The following TPMT variants were observed in gnomAD, a reference collection of about 807,000 sequenced individuals.
The protein encoded by TPMT is S-adenosyl-L-methionine:thiopurine S-methyltransferase.
A neutral mutation model predicts 34.2 loss-of-function variants in TPMT; 18 were observed. The ratio of observed to expected loss-of-function variants is 0.53; its 90% confidence interval spans 0.36 to 0.78. The LOEUF (loss-of-function observed/expected upper bound fraction) is 0.78, where lower values mean the gene tolerates loss of function less well. Ranked by LOEUF, TPMT falls within the 30% of genes least tolerant of loss-of-function variation. The pLI, the probability that TPMT is intolerant of heterozygous loss-of-function variation, is 0.00. For missense variants in TPMT, 265 were observed against 288.1 expected, an observed-to-expected ratio of 0.92 and a Z score of 0.58; for synonymous variants, 69 against 92.4, an observed-to-expected ratio of 0.75 and a Z score of 1.45.
chr6:18,136,784 T>C lies in TPMT; in HGVS notation c.494+2179A>G, dbSNP rs1784048449. 6.6e-6 allele frequency among the ~76,000 whole-genome samples: 1 copy of C among 152,166 alleles called. No homozygotes were observed. Among genetic ancestry groups the C allele is most frequent in the Admixed American group, 6.5e-5 (1 of 15,282 alleles). On this transcript the variant is annotated intron_variant, in intron 6 of 8. Coordinates refer to ENST00000309983, the MANE Select transcript of TPMT (RefSeq NM_000367.5). The surrounding 1 kb of genome is among the most constrained non-coding windows in gnomAD (Gnocchi z 4.7). ...GAGATAGTGCCATTGCACTCCAGCC[T>C]GGGCAACAAGAGCGAAACTCTGTCT...
chr6:18,155,168 C>T (rs1784479789), upstream of TPMT: 1 of 125,238 alleles, frequency 8.0e-6, no homozygotes, highest in Admixed American at 7.7e-5. The surrounding 1 kb of genome is among the most constrained non-coding windows in gnomAD (Gnocchi z 6.2). Flanking sequence ...CGCGCCCCGC[C>T]TCCGCCCGCG....
rs1784045673 is a variant in TPMT, at chr6:18,136,619, C to T, written c.494+2344G>A. On this transcript the variant is annotated intron_variant, in intron 6 of 8. Coordinates refer to ENST00000309983, the MANE Select transcript of TPMT (RefSeq NM_000367.5). This position sits in a 1 kb window ranked among gnomAD's most constrained non-coding sequence, Gnocchi z 4.7. ...GGTCCGGAGTTCGAGACCAGCCTGA[C>T]CAACATGGAGAAACCCCGTCTCTAC... Among the ~76,000 whole-genome samples the T allele has an allele frequency of 6.6e-6, 1 of 152,102 alleles. No homozygotes were observed. The highest frequency in any genetic ancestry group is 1.5e-5 in the Non-Finnish European group (1 of 68,026).
In TPMT at chr6:18,133,882, C is replaced by G; in HGVS notation, c.502G>C (p.Asp168His). The part of the protein sequence containing the change: ...INPGDRKCYA[D>H]TMFSLLGKKF... ...TTTCCCAGGAGGGAAAACATTGTATCTGCATAGCTACAAAGAACACAAGAA... is the reference window on the plus strand; with the variant it reads ...TTTCCCAGGAGGGAAAACATTGTATGTGCATAGCTACAAAGAACACAAGAA... Residue 168 changes from aspartate to histidine, a missense_variant, in exon 7 of 9, where the codon GAT (aspartate) becomes CAT (histidine). Asp to His is a moderately conservative substitution (Grantham distance 81). Transcript: ENST00000309983. 6.2e-7 allele frequency: 1 copy of G among 1,613,214 alleles called. No individual in the cohort carries two copies. Among genetic ancestry groups the G allele is most frequent in the Non-Finnish European group, 8.5e-7 (1 of 1,179,358 alleles).
chr6:18,142,140 G>GT (rs1223741290), intron 4 of TPMT, among the ~76,000 whole-genome samples: 1 of 151,936 alleles, frequency 6.6e-6, no homozygotes, highest in African/African-American at 2.4e-5. Context: ...CACCTGGCAG[G>GT]TTTTTTCCTC....
intron 4 of TPMT, among the ~76,000 whole-genome samples, chr6:18,142,668 T>G: frequency 6.6e-6 from 1 of 152,084 alleles, no homozygotes; most frequent in East Asian, 1.9e-4. Flanking sequence ...ACCTATCATT[T>G]TGAGCCCAAA....
chr6:18,147,150 C>T (rs1038596452), intron 3 of TPMT, among the ~76,000 whole-genome samples: 1 of 151,932 alleles, frequency 6.6e-6, no homozygotes, highest in Admixed American at 6.6e-5. Flanking sequence ...AAGTTCTCAA[C>T]ATTCAAGCTT....
At chr6:18,147,469 C>T (rs146552353) in intron 3 of TPMT, among the ~76,000 whole-genome samples, 1 of 152,162 alleles carries the variant, frequency 6.6e-6, no homozygotes, top group African/African-American at 2.4e-5. Flanking sequence ...CTCTGTCCAC[C>T]ACCATTTCAA....
chr6:18,133,905 G>A lies in TPMT; in HGVS notation c.495-16C>T. 6.2e-7 allele frequency: 1 copy of A among 1,602,738 alleles called. No individual in the cohort carries two copies. Among genetic ancestry groups the A allele is most frequent in the Non-Finnish European group, 8.5e-7 (1 of 1,169,924 alleles). ...ATCTGCATAGCTACAAAGAACACAA[G>A]AAGGTATTTGTTACATTTCTCTACA... On this transcript the variant is annotated splice_polypyrimidine_tract_variant and intron_variant, in intron 6 of 8. Transcript: ENST00000309983.
chr6:18,136,842 AT>A lies in TPMT; in HGVS notation c.494+2120del, dbSNP rs897941320. On this transcript the variant is annotated intron_variant, in intron 6 of 8. Transcript: ENST00000309983. This position sits in a 1 kb window ranked among gnomAD's most constrained non-coding sequence, Gnocchi z 4.7. ...AAAGATTTGATTTTTCTCTCATAAA[AT>A]TTTTTTTTCTTTCTGGTAGGACAAA... 8.6e-5 allele frequency among the ~76,000 whole-genome samples: 13 copies of A among 151,972 alleles called. No individual in the cohort carries two copies. The highest frequency in any genetic ancestry group is 2.9e-4 in the African/African-American group (12 of 41,484).
intron 4 of TPMT, among the ~76,000 whole-genome samples, chr6:18,142,191 A>C (rs9465105): frequency 0.6 from 90,011 of 151,108 alleles, 27,501 homozygotes; most frequent in African/African-American, 0.74. Flanking sequence ...GAGCTGTTTT[A>C]TTTTCTCTTT....
At position 18,150,378 on chromosome 6, in the gene TPMT, TC is replaced by T. The variant is rs952496083; in HGVS notation, c.-44-1208del. On this transcript the variant is annotated intron_variant, in intron 1 of 8. Coordinates refer to ENST00000309983, the MANE Select transcript of TPMT (RefSeq NM_000367.5). The surrounding 1 kb of genome is among the most constrained non-coding windows in gnomAD (Gnocchi z 5.3). ...ACTTACTCCTAATTCAACTCTAAAT[TC>T]TGCCAATTGTCCCAATTTCCTATCA... 3.3e-5 allele frequency among the ~76,000 whole-genome samples: 5 copies of T among 152,138 alleles called. No homozygotes were observed. Among genetic ancestry groups the T allele is most frequent in the African/African-American group, 1.2e-4 (5 of 41,428 alleles).
chr6:18,143,627 A>G lies in TPMT; in HGVS notation c.335T>C (p.Ile112Thr). The change falls in exon 4 of 9, where the codon ATC becomes ACC. Residue 112 changes from isoleucine to threonine, a missense_variant. Transcript: ENST00000309983. The surrounding 1 kb of genome is among the most constrained non-coding windows in gnomAD (Gnocchi z 6.1). ...TACTTTGGTTCCAGGAATTTCGGTG[A>G]TTGGTTCTTCTGAGTAAGAAAGATT... Reference protein sequence around the residue: ...EQNLSYSEEPITEIPGTKVFK... With the variant: ...EQNLSYSEEPTTEIPGTKVFK... 1 of 1,613,268 alleles carries G rather than the reference A, an allele frequency of 6.2e-7. No individual in the cohort carries two copies. Among genetic ancestry groups the G allele is most frequent in the Non-Finnish European group, 8.5e-7 (1 of 1,180,006 alleles).
intron 4 of TPMT, among the ~76,000 whole-genome samples, chr6:18,142,767 C>G (rs1360604377): frequency 6.6e-6 from 1 of 152,060 alleles, no homozygotes; most frequent in East Asian, 1.9e-4. Flanking sequence ...TTCTTTCTGC[C>G]CTTCTCATTT....
chr6:18,129,518 T>C lies in TPMT; in HGVS notation c.*1150A>G, dbSNP rs1333148823. 1 of 152,200 alleles carries C rather than the reference T, an allele frequency of 6.6e-6. No homozygotes were observed. Among genetic ancestry groups the C allele is most frequent in the Non-Finnish European group, 1.5e-5 (1 of 68,038 alleles). 9.4% of individuals were successfully genotyped at this position (152,200 alleles called of 1,614,324 possible). A position where few individuals can be genotyped will look rare whatever the true frequency, so the allele number is the denominator to read the frequency against. ...TCCTATTAACATGAGCTAAACAATC[T>C]AAACCATTTAGTTGTTGGGTAGTAC... On this transcript the variant is annotated 3_prime_UTR_variant, in exon 9 of 9. Transcript: ENST00000309983.
In TPMT at chr6:18,145,829, C is replaced by A. The variant is rs1250715261; in HGVS notation, c.233+1994G>T. 6.6e-6 allele frequency among the ~76,000 whole-genome samples: 1 copy of A among 151,998 alleles called. No homozygotes were observed. Among genetic ancestry groups the A allele is most frequent in the African/African-American group, 2.4e-5 (1 of 41,392 alleles). On this transcript the variant is annotated intron_variant, in intron 3 of 8. Transcript: ENST00000309983. This position sits in a 1 kb window ranked among gnomAD's most constrained non-coding sequence, Gnocchi z 5.6. ...AGCCTACTACAACCTGTAATAAAAA[C>A]AAAATAAGACCAAGTGTGGTGGCTT...
intron 6 of TPMT, among the ~76,000 whole-genome samples, chr6:18,134,542 C>T (rs1001831488): frequency 1.3e-5 from 2 of 152,172 alleles, no homozygotes; most frequent in African/African-American, 4.8e-5. Flanking sequence ...TGAGTAGGTG[C>T]CTCAGGGAGC....
intron 4 of TPMT, among the ~76,000 whole-genome samples, chr6:18,141,542 G>A (rs1329269177): frequency 6.6e-6 from 1 of 152,084 alleles, no homozygotes; most frequent in Non-Finnish European, 1.5e-5. Flanking sequence ...GTTTCGCCAT[G>A]TTGGCCATGC....
Position 18,143,332 on chromosome 6 carries a change from C to A in TPMT, c.366+264G>T, listed in dbSNP as rs1053286602. ...GCACATGATGGGTTCTCAGAAAATG[C>A]GTGTTAATAAAAATAAAACAAGCCT... is the stretch of plus-strand genomic sequence containing the variant. On this transcript the variant is annotated intron_variant, in intron 4 of 8. Transcript: ENST00000309983. The surrounding 1 kb of genome is among the most constrained non-coding windows in gnomAD (Gnocchi z 6.1). 6.6e-6 allele frequency among the ~76,000 whole-genome samples: 1 copy of A among 152,080 alleles called. No individual in the cohort carries two copies. The highest frequency in any genetic ancestry group is 2.4e-5 in the African/African-American group (1 of 41,424).
rs1784030741 is a variant in TPMT, at chr6:18,135,669, C to T, written c.495-1780G>A. On this transcript the variant is annotated intron_variant, in intron 6 of 8. Coordinates refer to ENST00000309983, the MANE Select transcript of TPMT (RefSeq NM_000367.5). This position sits in a 1 kb window ranked among gnomAD's most constrained non-coding sequence, Gnocchi z 5.0. ...GGCAGATCACCTGAGGTCGGGAGTT[C>T]GAGACCAGCCTGACCAACATGGAGA... Among the ~76,000 whole-genome samples the T allele has an allele frequency of 6.6e-6, 1 of 151,858 alleles. No individual in the cohort carries two copies. The highest frequency in any genetic ancestry group is 2.1e-4 in the South Asian group (1 of 4,804).
Sources: allele counts gnomAD v4.1 joint callset (sites outside exome capture counted in the v4.1 genomes callset), GRCh38; gene constraint gnomAD v4.1.1; non-coding constraint Gnocchi (gnomAD v3.1); transcripts MANE v1.5; gene names NCBI Gene and HGNC (gene_info 2026-07-23, HGNC 2026-07-21).